CSMD1: variants seen among roughly 807,000 people sequenced by gnomAD.
CSMD1 encodes the protein CUB and sushi domain-containing protein 1.
CSMD1 carries 213 observed loss-of-function variants against 417.5 expected under a neutral mutation model. The ratio of observed to expected loss-of-function variants is 0.51; its 90% CI spans 0.46 to 0.57. CSMD1 has a LOEUF of 0.57. Ranked by LOEUF, CSMD1 falls within the 20% of genes least tolerant of loss-of-function variation. The probability of loss-of-function intolerance (pLI) is 0.00; values close to 1 mark genes in which losing one functional copy is unlikely to be tolerated. For missense variants in CSMD1, 6,923 were observed against 4,529.7 expected, an observed-to-expected ratio of 1.53 and a Z score of -15.17; for synonymous variants, 2,862 against 1,736.8, an observed-to-expected ratio of 1.65 and a Z score of -16.11.
At position 4,502,140 on chromosome 8, in the gene CSMD1, G is replaced by A. The variant is rs1053947738; in HGVS notation, c.303-82075C>T. On this transcript the variant is annotated intron_variant, in intron 2 of 69. Transcript: ENST00000635120. ...AAATTTCTAATTATGGGTTATATAT[G>A]ATAAAAATAACTTCATGATTACTCC... Among the ~76,000 whole-genome samples, 7 of 152,090 alleles carry A rather than the reference G, an allele frequency of 4.6e-5. No individual in the cohort carries two copies. In the South Asian group the frequency reaches 8.3e-4, roughly 18 times the overall value.
chr8:4,355,037 C>T (rs111425976), intron 3 of CSMD1, among the ~76,000 whole-genome samples: 5,751 of 151,772 alleles, frequency 0.038, 378 homozygotes, highest in African/African-American at 0.13. Flanking sequence ...CCGAGGCGGG[C>T]GGATGACGAG....
At chr8:3,459,544 G>A (rs1250917709) in intron 12 of CSMD1, among the ~76,000 whole-genome samples, 2 of 152,140 alleles carry the variant, frequency 1.3e-5, no homozygotes, top group Admixed American at 6.5e-5. Flanking sequence ...ATAAATGCAG[G>A]TACATGGGAG....
At chr8:3,681,279 T>C (rs139760334) in intron 7 of CSMD1, among the ~76,000 whole-genome samples, 20,750 of 152,204 alleles carry the variant, frequency 0.14, 1,715 homozygotes, top group South Asian at 0.21. Context: ...TGATTGTATA[T>C]TTAGAAAACC....
intron 21 of CSMD1, among the ~76,000 whole-genome samples, chr8:3,350,815 T>G (rs567214204): frequency 7.9e-5 from 12 of 152,144 alleles, no homozygotes; most frequent in Non-Finnish European, 1.8e-4. Flanking sequence ...AGAAATAATT[T>G]TACATGTTTT....
chr8:4,225,096 A>C (rs1801269428), intron 3 of CSMD1, among the ~76,000 whole-genome samples: 1 of 152,200 alleles, frequency 6.6e-6, no homozygotes, highest in South Asian at 2.1e-4. Context: ...TGGGGAACAG[A>C]GTGAGACTCC....
chr8:4,965,993 T>G (rs1166387315), intron 1 of CSMD1, among the ~76,000 whole-genome samples: 1 of 152,120 alleles, frequency 6.6e-6, no homozygotes, highest in Non-Finnish European at 1.5e-5. Context: ...ATATCCAGAA[T>G]GCAAATCAGA....
chr8:4,385,651 T>A (rs181751272), intron 3 of CSMD1, among the ~76,000 whole-genome samples: 34 of 152,302 alleles, frequency 2.2e-4, no homozygotes, highest in Non-Finnish European at 4.1e-4. Flanking sequence ...ACAATTGGCA[T>A]CATCCTGTAG....
intron 10 of CSMD1, among the ~76,000 whole-genome samples, chr8:3,523,087 C>T (rs1162674976): frequency 1.3e-5 from 2 of 151,534 alleles, no homozygotes; most frequent in African/African-American, 4.9e-5. Flanking sequence ...TCTCTAACTC[C>T]ACATCCAATA....
At chr8:3,261,628 A>G (rs1035728122) in intron 26 of CSMD1, among the ~76,000 whole-genome samples, 1 of 152,150 alleles carries the variant, frequency 6.6e-6, no homozygotes, top group African/African-American at 2.4e-5. Flanking sequence ...GATTAAACCA[A>G]CTGCTGCCTC....
In CSMD1 at chr8:2,978,659, G is replaced by A. The variant is rs756314454; in HGVS notation, c.8519C>T (p.Thr2840Ile). 2.5e-6 allele frequency: 4 copies of A among 1,607,424 alleles called. No homozygotes were observed. The highest frequency in any genetic ancestry group is 2.2e-5 in the South Asian group (2 of 89,438). ...GFYLLGSSAL[T>I]CMANGLWDRS... ...GTCCCATAAGCCATTTGCCATACAG[G>A]TCAAGGCTGAAGATCCCAGCAAGTA... Residue 2840 changes from threonine to isoleucine, a missense_variant, in exon 55 of 70, where the codon ACC becomes ATC. By Grantham distance (89) the Thr-to-Ile change is moderately conservative. Coordinates refer to ENST00000635120, the MANE Select transcript of CSMD1 (RefSeq NM_033225.6).
At chr8:3,026,349 A>G (rs1809919746) in intron 51 of CSMD1, among the ~76,000 whole-genome samples, 1 of 152,158 alleles carries the variant, frequency 6.6e-6, no homozygotes, top group Non-Finnish European at 1.5e-5. Context: ...GCTGGATCCC[A>G]CTGGAGCCCA....
intron 46 of CSMD1, among the ~76,000 whole-genome samples, chr8:3,105,229 A>G (rs1816051504): frequency 6.6e-6 from 1 of 152,206 alleles, no homozygotes; most frequent in African/African-American, 2.4e-5. Context: ...GGGAAGAGTG[A>G]CTTGCTCAAA....
chr8:3,406,238 A>G lies in CSMD1; in HGVS notation c.2072-17T>C. On this transcript the variant is annotated splice_polypyrimidine_tract_variant and intron_variant, in intron 14 of 69. Coordinates refer to ENST00000635120, the MANE Select transcript of CSMD1 (RefSeq NM_033225.6). ...GACCAAATGCTGAAAGAAAAAGAAGAAGAAAAAAGGAATAAAAATACTTGA... is the reference window on the plus strand; with the variant it reads ...GACCAAATGCTGAAAGAAAAAGAAGGAGAAAAAAGGAATAAAAATACTTGA... 3 of 1,555,928 alleles carry G rather than the reference A, an allele frequency of 1.9e-6. No individual in the cohort carries two copies. The highest frequency in any genetic ancestry group is 2.6e-6 in the Non-Finnish European group (3 of 1,151,728).
intron 1 of CSMD1, among the ~76,000 whole-genome samples, chr8:4,730,703 T>C (rs1053690804): frequency 2.6e-5 from 4 of 151,250 alleles, no homozygotes; most frequent in Non-Finnish European, 5.9e-5. Flanking sequence ...ATCGTGCCAC[T>C]GCACTCCAGC....
chr8:4,929,305 G>C (rs1807078950), intron 1 of CSMD1, among the ~76,000 whole-genome samples: 1 of 151,988 alleles, frequency 6.6e-6, no homozygotes, highest in Admixed American at 6.5e-5. Context: ...CCGAACCATG[G>C]GCAACACATT....
At chr8:4,396,216 C>G (rs1306073152) in intron 3 of CSMD1, among the ~76,000 whole-genome samples, 2 of 151,900 alleles carry the variant, frequency 1.3e-5, no homozygotes, top group Admixed American at 6.6e-5. Flanking sequence ...AATCCCAGCA[C>G]TTTGGGAGAC....
At chr8:4,957,814 T>C (rs1809220054) in intron 1 of CSMD1, among the ~76,000 whole-genome samples, 1 of 152,138 alleles carries the variant, frequency 6.6e-6, no homozygotes, top group South Asian at 2.1e-4. Flanking sequence ...ACTAGCTAAG[T>C]AGGTGGATAG....
chr8:2,976,085 T>A (rs1291066357), intron 55 of CSMD1, among the ~76,000 whole-genome samples: 1 of 152,210 alleles, frequency 6.6e-6, no homozygotes, highest in Non-Finnish European at 1.5e-5. Flanking sequence ...ACAGATGCAT[T>A]TTTTGTTAAA....
intron 3 of CSMD1, among the ~76,000 whole-genome samples, chr8:4,118,670 G>A (rs1386803700): frequency 6.6e-6 from 1 of 152,142 alleles, no homozygotes; most frequent in Non-Finnish European, 1.5e-5. Context: ...CAACCATTGT[G>A]GAAGACAGTG....
Sources: gnomAD v4.1 joint callset for allele counts (sites outside exome capture counted in the v4.1 genomes callset) on GRCh38, gnomAD v4.1.1 for gene constraint, MANE v1.5 for transcripts, NCBI Gene and HGNC (gene_info 2026-07-23, HGNC 2026-07-21) for gene names.